PCNX2: variants seen among roughly 807,000 people sequenced by gnomAD.
The protein encoded by PCNX2 is pecanex 2.
A neutral mutation model predicts 223.8 loss-of-function variants in PCNX2; 168 were observed. That is an observed-to-expected ratio of 0.75 (90% confidence interval 0.66 to 0.85). The LOEUF (loss-of-function observed/expected upper bound fraction) is 0.85, where lower values mean the gene tolerates loss of function less well. Among genes scored for constraint, PCNX2 ranks in the 40% least tolerant of loss-of-function variants. The pLI is 0.00. For synonymous variants in PCNX2, 1,006 were observed against 1,052.6 expected, an observed-to-expected ratio of 0.96 and a Z score of 0.86; for missense variants, 2,507 against 2,675.5, an observed-to-expected ratio of 0.94 and a Z score of 1.39.
chr1:233,067,639 A>T (rs1364372716), intron 23 of PCNX2, among the ~76,000 whole-genome samples: 3 of 151,914 alleles, frequency 2.0e-5, no homozygotes, highest in African/African-American at 7.3e-5. Context: ...ACACCCAGCT[A>T]ATTTTTGTAT....
intron 23 of PCNX2, among the ~76,000 whole-genome samples, chr1:233,089,053 T>C (rs772984747): frequency 1.4e-4 from 21 of 152,302 alleles, no homozygotes; most frequent in Non-Finnish European, 2.4e-4. Flanking sequence ...CCACACCACC[T>C]GTGCCAGAAG....
intron 1 of PCNX2, among the ~76,000 whole-genome samples, chr1:233,278,796 G>T (rs977485167): frequency 1.3e-5 from 2 of 152,198 alleles, no homozygotes; most frequent in Non-Finnish European, 2.9e-5. Context: ...GGGTGGCAGA[G>T]ATGAGCCCTC....
chr1:233,042,590 G>C (rs964433341), intron 25 of PCNX2, among the ~76,000 whole-genome samples: 1 of 152,164 alleles, frequency 6.6e-6, no homozygotes, highest in Non-Finnish European at 1.5e-5. Context: ...CTGTAACAGG[G>C]AGAAGTTCAA....
chr1:233,012,461 T>C (rs2102813902), intron 28 of PCNX2, among the ~76,000 whole-genome samples: 1 of 152,110 alleles, frequency 6.6e-6, no homozygotes, highest in Middle Eastern at 3.4e-3. Flanking sequence ...GGAAAGCGTC[T>C]TGGAGGATCT....
intron 23 of PCNX2, among the ~76,000 whole-genome samples, chr1:233,066,769 C>T (rs1046613604): frequency 6.6e-6 from 1 of 152,218 alleles, no homozygotes; most frequent in Non-Finnish European, 1.5e-5. Context: ...AGTGAGGAAC[C>T]TAGACTTCCT....
chr1:233,269,500 C>T (rs1476030191), intron 1 of PCNX2, among the ~76,000 whole-genome samples: 1 of 152,110 alleles, frequency 6.6e-6, no homozygotes, highest in South Asian at 2.1e-4. Context: ...ACAAATACAC[C>T]TCAGTTATGT....
chr1:233,091,405 C>G (rs1234003318), intron 22 of PCNX2, among the ~76,000 whole-genome samples: 3 of 151,550 alleles, frequency 2.0e-5, no homozygotes, highest in Non-Finnish European at 4.4e-5. Context: ...ATAGAAGTAA[C>G]TCGGACTTCT....
At chr1:233,195,513 T>C (rs1680676025) in intron 15 of PCNX2, among the ~76,000 whole-genome samples, 1 of 152,168 alleles carries the variant, frequency 6.6e-6, no homozygotes, top group South Asian at 2.1e-4. Flanking sequence ...GAAAATAAAA[T>C]TGTGTTTATT....
intron 21 of PCNX2, among the ~76,000 whole-genome samples, chr1:233,113,830 T>C (rs1675256358): frequency 6.6e-6 from 1 of 152,234 alleles, no homozygotes; most frequent in Admixed American, 6.5e-5. Context: ...TGCAAACCAG[T>C]CTTTACTCCT....
intron 10 of PCNX2, among the ~76,000 whole-genome samples, chr1:233,220,203 C>T (rs1657281554): frequency 6.6e-6 from 1 of 152,152 alleles, no homozygotes; most frequent in Non-Finnish European, 1.5e-5. Context: ...ATCTTGATTG[C>T]TTCTGAGTTT....
At chr1:233,212,375 C>T (rs1156966526) in intron 12 of PCNX2, among the ~76,000 whole-genome samples, 2 of 152,110 alleles carry the variant, frequency 1.3e-5, no homozygotes, top group African/African-American at 4.8e-5. Context: ...TAAGGTACAA[C>T]GTCAATTTAA....
intron 1 of PCNX2, among the ~76,000 whole-genome samples, chr1:233,269,958 A>G (rs12123260): frequency 0.089 from 13,548 of 152,320 alleles, 724 homozygotes; most frequent in South Asian, 0.17. Flanking sequence ...AGACTGAGCA[A>G]TATGAGTTGC....
At chr1:233,036,594 C>T (rs1225173419) in intron 25 of PCNX2, among the ~76,000 whole-genome samples, 1 of 150,672 alleles carries the variant, frequency 6.6e-6, no homozygotes, top group East Asian at 2.0e-4. Flanking sequence ...TGCAACACTG[C>T]ACTCCAGCCT....
intron 9 of PCNX2, among the ~76,000 whole-genome samples, chr1:233,232,090 AACAT>A (rs1225642398): frequency 2.0e-5 from 3 of 152,248 alleles, no homozygotes; most frequent in African/African-American, 7.2e-5. Flanking sequence ...TGAGGGATAA[AACAT>A]ATTTTTTTAA....
chr1:233,267,356 T>C (rs1481891602), intron 1 of PCNX2, among the ~76,000 whole-genome samples: 1 of 152,190 alleles, frequency 6.6e-6, no homozygotes, highest in African/African-American at 2.4e-5. Flanking sequence ...TTTGTTTTAC[T>C]GTGGTAAAAT....
intron 19 of PCNX2, among the ~76,000 whole-genome samples, chr1:233,151,154 C>T (rs953898372): frequency 2.0e-5 from 3 of 152,174 alleles, no homozygotes; most frequent in Non-Finnish European, 2.9e-5. Flanking sequence ...GAAATCCTCC[C>T]TCAAGTAAAG....
intron 15 of PCNX2, among the ~76,000 whole-genome samples, chr1:233,188,650 G>A (rs1426182584): frequency 6.6e-6 from 1 of 152,028 alleles, no homozygotes; most frequent in East Asian, 1.9e-4. Flanking sequence ...AACCTCCCAA[G>A]TAGCTGGGAT....
chr1:233,134,790 C>G (rs1676712773), intron 21 of PCNX2: 2 of 571,434 alleles, frequency 3.5e-6, no homozygotes, highest in Admixed American at 6.7e-5. Flanking sequence ...ACACTAATGG[C>G]TAATTCATTT....
chr1:233,179,196 A>G, intron 15 of PCNX2, 21 bp from the exon 16 acceptor site: 1 of 1,611,760 alleles, frequency 6.2e-7, no homozygotes, highest in South Asian at 1.1e-5. Flanking sequence ...GACATCAGTT[A>G]GCCAAGTCAC....
Sources: gnomAD v4.1 joint callset for allele counts (sites outside exome capture counted in the v4.1 genomes callset) on GRCh38, gnomAD v4.1.1 for gene constraint, MANE v1.5 for transcripts, NCBI Gene and HGNC (gene_info 2026-07-23, HGNC 2026-07-21) for gene names.